The following ANKRD12 variants were observed in gnomAD, a reference collection of about 807,000 sequenced individuals.
The protein encoded by ANKRD12 is ankyrin repeat domain-containing protein 12.
A neutral mutation model predicts 183.4 loss-of-function variants in ANKRD12; 85 were observed. That is an observed-to-expected ratio of 0.46 (90% CI 0.39 to 0.56). The LOEUF (loss-of-function observed/expected upper bound fraction) is 0.56, where lower values mean the gene tolerates loss of function less well. ANKRD12 is among the 20% of genes least tolerant of loss of function. ANKRD12 has a pLI of 0.00. For missense variants in ANKRD12, 2,405 were observed against 2,357.1 expected, an observed-to-expected ratio of 1.02 and a Z score of -0.42; for synonymous variants, 914 against 800.2, an observed-to-expected ratio of 1.14 and a Z score of -2.40.
At chr18:9,150,716 T>C (rs1292298573) in intron 1 of ANKRD12, among the ~76,000 whole-genome samples, 2 of 152,166 alleles carry the variant, frequency 1.3e-5, no homozygotes, top group Non-Finnish European at 2.9e-5. Flanking sequence ...TGCAGTGGTG[T>C]GATTTCGGCT....
chr18:9,214,991 G>A (rs942895270), intron 6 of ANKRD12, among the ~76,000 whole-genome samples: 1 of 152,108 alleles, frequency 6.6e-6, no homozygotes, highest in Admixed American at 6.6e-5. Flanking sequence ...TTTAACGCCA[G>A]CAAAGGATGG....
chr18:9,147,097 A>G (rs186923126), intron 1 of ANKRD12, among the ~76,000 whole-genome samples: 1 of 152,232 alleles, frequency 6.6e-6, no homozygotes, highest in Admixed American at 6.5e-5. Flanking sequence ...CTGCATCAAG[A>G]ATTTGGACGT....
At chr18:9,266,029 A>G (rs1347529088) in intron 10 of ANKRD12, among the ~76,000 whole-genome samples, 1 of 152,246 alleles carries the variant, frequency 6.6e-6, no homozygotes, top group Non-Finnish European at 1.5e-5. Flanking sequence ...CAGTGATGGA[A>G]GATCAAATGA....
chr18:9,237,547 T>G (rs1483404297), intron 8 of ANKRD12, among the ~76,000 whole-genome samples: 1 of 152,194 alleles, frequency 6.6e-6, no homozygotes, highest in African/African-American at 2.4e-5. Flanking sequence ...CCATAAACTA[T>G]TGCACAGCCA....
At chr18:9,166,339 A>G (rs560560546) in intron 1 of ANKRD12, among the ~76,000 whole-genome samples, 5 of 152,314 alleles carry the variant, frequency 3.3e-5, no homozygotes, top group African/African-American at 1.2e-4. Context: ...TCCCACCAAC[A>G]GTGTAAAAGT....
intron 8 of ANKRD12, among the ~76,000 whole-genome samples, chr18:9,233,196 A>C (rs1280096436): frequency 6.6e-6 from 1 of 151,688 alleles, no homozygotes; most frequent in Admixed American, 6.6e-5. Flanking sequence ...TGCTTGGTCT[A>C]GTCTGTTGTT....
At chr18:9,242,937 CT>C (rs1205843247) in intron 8 of ANKRD12, among the ~76,000 whole-genome samples, 1 of 152,010 alleles carries the variant, frequency 6.6e-6, no homozygotes, top group Non-Finnish European at 1.5e-5. Context: ...TGTATGACTT[CT>C]TTTGTAAAGT....
chr18:9,218,681 T>G (rs549909827), intron 7 of ANKRD12, among the ~76,000 whole-genome samples: 1 of 151,942 alleles, frequency 6.6e-6, no homozygotes, highest in African/African-American at 2.4e-5. Context: ...TTTTTTTTCT[T>G]TTTTTTGAGA....
intron 10 of ANKRD12, among the ~76,000 whole-genome samples, chr18:9,270,168 C>A (rs2039517030): frequency 6.6e-6 from 1 of 152,348 alleles, no homozygotes; most frequent in South Asian, 2.1e-4. Flanking sequence ...GTTGGTGGGA[C>A]TGTAAACTAG....
At chr18:9,234,108 G>C (rs185127156) in intron 8 of ANKRD12, among the ~76,000 whole-genome samples, 1 of 152,096 alleles carries the variant, frequency 6.6e-6, no homozygotes, top group Non-Finnish European at 1.5e-5. Context: ...CAGCAGAGCC[G>C]CACAGAATGG....
At chr18:9,217,501 C>T (rs1481085834) in intron 7 of ANKRD12, among the ~76,000 whole-genome samples, 1 of 152,086 alleles carries the variant, frequency 6.6e-6, no homozygotes, top group Non-Finnish European at 1.5e-5. Flanking sequence ...TAAAAAGCTG[C>T]CTTTGTGGGT....
At chr18:9,219,808 T>A (rs1598598634) in intron 7 of ANKRD12, among the ~76,000 whole-genome samples, 1 of 150,822 alleles carries the variant, frequency 6.6e-6, no homozygotes, top group African/African-American at 2.4e-5. Flanking sequence ...CCTCTGGAAG[T>A]GCTTCTTAAG....
intron 2 of ANKRD12, among the ~76,000 whole-genome samples, chr18:9,194,018 A>G (rs2034619688): frequency 1.3e-5 from 2 of 152,252 alleles, no homozygotes. Context: ...AAAATGAATT[A>G]TAAATCCATT....
chr18:9,263,087 T>C (rs1243977521), intron 9 of ANKRD12, among the ~76,000 whole-genome samples: 1 of 152,126 alleles, frequency 6.6e-6, no homozygotes, highest in East Asian at 1.9e-4. Flanking sequence ...TGGACCACCA[T>C]GCCCGGCCAG....
intron 10 of ANKRD12, among the ~76,000 whole-genome samples, chr18:9,267,351 A>C (rs1197438545): frequency 1.3e-5 from 2 of 152,214 alleles, no homozygotes; most frequent in Non-Finnish European, 2.9e-5. Context: ...CTTCTTCCAA[A>C]ATTGACCACA....
chr18:9,140,515 A>G (rs1282197384), intron 1 of ANKRD12, among the ~76,000 whole-genome samples: 2 of 152,170 alleles, frequency 1.3e-5, no homozygotes, highest in Non-Finnish European at 2.9e-5. Flanking sequence ...TGCATTCATA[A>G]TCTGTTTCTG....
intron 8 of ANKRD12, among the ~76,000 whole-genome samples, chr18:9,236,499 A>G (rs1205772625): frequency 6.6e-6 from 1 of 152,226 alleles, no homozygotes; most frequent in African/African-American, 2.4e-5. Flanking sequence ...AGTGGGGGAT[A>G]GTCACTGTGG....
In ANKRD12 at chr18:9,239,489, C is replaced by T. The variant is rs770790098; in HGVS notation, c.944-14722C>T. The T allele has an allele frequency of 1.6e-5, 20 of 1,281,122 alleles. 2 individuals carry two copies. The South Asian group carries it at 2.5e-4, about 16-fold the overall frequency. 79.4% of individuals were successfully genotyped at this position (1,281,122 alleles called of 1,614,324 possible). A position where few individuals can be genotyped will look rare whatever the true frequency, so the allele number is the denominator to read the frequency against. On this transcript the variant is annotated intron_variant, in intron 8 of 12. Coordinates refer to ENST00000262126, the MANE Select transcript of ANKRD12 (RefSeq NM_015208.5). Reference sequence around the variant, plus strand: ...ATTGATTTTTCAGAATATTTATTTTCCACATGGTGAATGTGCCTGAATTAT... The same window carrying T: ...ATTGATTTTTCAGAATATTTATTTTTCACATGGTGAATGTGCCTGAATTAT...
chr18:9,175,523 CTTTTTTTTTT>C (rs33944736), intron 1 of ANKRD12, among the ~76,000 whole-genome samples: 68 of 53,318 alleles, frequency 1.3e-3, no homozygotes, highest in South Asian at 6.3e-3. Flanking sequence ...AAAGGCTCCT[CTTTTTTTTTT>C]TTTTTTTTTT....
Sources: gnomAD v4.1 joint callset for allele counts (sites outside exome capture counted in the v4.1 genomes callset) on GRCh38, gnomAD v4.1.1 for gene constraint, MANE v1.5 for transcripts, NCBI Gene and HGNC (gene_info 2026-07-23, HGNC 2026-07-21) for gene names.